The following SLIT1 variants were observed in gnomAD, a reference collection of about 807,000 sequenced individuals.
The protein encoded by SLIT1 is slit homolog 1 protein.
SLIT1 carries 66 observed loss-of-function variants against 186.1 expected under a neutral mutation model. The ratio of observed to expected loss-of-function variants is 0.35; its 90% CI spans 0.29 to 0.44. The LOEUF (loss-of-function observed/expected upper bound fraction) is 0.44, where lower values mean the gene tolerates loss of function less well. Ranked by LOEUF, SLIT1 falls within the 20% of genes least tolerant of loss-of-function variation. The pLI is 1.00. For missense variants in SLIT1, 1,638 were observed against 2,037.4 expected (o/e 0.80, Z 3.77); for synonymous variants, 761 against 833.8 (o/e 0.91, Z 1.50).
chr10:97,181,423 C>T (rs1850336997), intron 1 of SLIT1, among the ~76,000 whole-genome samples: 1 of 152,242 alleles, frequency 6.6e-6, no homozygotes, highest in Non-Finnish European at 1.5e-5. Flanking sequence ...TTATGCGTGA[C>T]CACTCAGCCC....
At chr10:97,017,269 G>A (rs1848462253) in intron 28 of SLIT1, among the ~76,000 whole-genome samples, 1 of 152,194 alleles carries the variant, frequency 6.6e-6, no homozygotes, top group South Asian at 2.1e-4. Flanking sequence ...CGTTTCCAAG[G>A]CAACCAGGGG....
At chr10:97,024,281 A>AT (rs1311712414) in intron 25 of SLIT1, among the ~76,000 whole-genome samples, 2 of 152,168 alleles carry the variant, frequency 1.3e-5, no homozygotes, top group Non-Finnish European at 2.9e-5. Flanking sequence ...TCACAATCTT[A>AT]TAAAGCAGGC....
At chr10:97,152,853 A>G (rs1849896564) in intron 4 of SLIT1, among the ~76,000 whole-genome samples, 1 of 152,204 alleles carries the variant, frequency 6.6e-6, no homozygotes, top group Non-Finnish European at 1.5e-5. Flanking sequence ...GGCTTTTGAT[A>G]TCAAACACAT....
intron 3 of SLIT1, among the ~76,000 whole-genome samples, chr10:97,162,562 G>A (rs556262143): frequency 7.2e-5 from 11 of 152,290 alleles, no homozygotes; most frequent in Middle Eastern, 3.4e-3. Flanking sequence ...GCAGTGAGCC[G>A]AGATCACGCC....
chr10:97,005,841 G>A (rs1193897765), intron 32 of SLIT1, among the ~76,000 whole-genome samples: 1 of 152,160 alleles, frequency 6.6e-6, no homozygotes, highest in Non-Finnish European at 1.5e-5. Context: ...AGGGAAGAAA[G>A]ATGTGGCATT....
chr10:97,170,107 A>C (rs1217517860), intron 1 of SLIT1, among the ~76,000 whole-genome samples: 1 of 152,208 alleles, frequency 6.6e-6, no homozygotes, highest in Non-Finnish European at 1.5e-5. Context: ...CTTTGCCTAC[A>C]CAACAATATC....
chr10:97,012,046 C>T (rs1001572284), intron 30 of SLIT1, among the ~76,000 whole-genome samples: 6 of 147,110 alleles, frequency 4.1e-5, no homozygotes, highest in African/African-American at 2.5e-5. Flanking sequence ...CAGTGTTTTT[C>T]GGGCTATAAG....
chr10:97,157,535 A>G (rs1849967492), intron 4 of SLIT1: 1 of 411,166 alleles, frequency 2.4e-6, no homozygotes. Flanking sequence ...GTCCACAAGC[A>G]TGCCTGCCTG....
Position 97,064,438 on chromosome 10 carries a change from C to T in SLIT1, c.558-199G>A, listed in dbSNP as rs555620121. 1.4e-3 allele frequency among the ~76,000 whole-genome samples: 219 copies of T among 152,218 alleles called. 1 individual carries two copies. Among genetic ancestry groups the T allele is most frequent in the Non-Finnish European group, 2.6e-3 (180 of 68,008 alleles). On this transcript the variant is annotated intron_variant, in intron 6 of 36. Coordinates refer to ENST00000266058, the MANE Select transcript of SLIT1 (RefSeq NM_003061.3). ...CTGAGCTGGGACGGTGACCGTAAGC[C>T]GACAGCACCATAGACTCCAAGGCTG...
At chr10:97,044,040 G>T (rs944194349) in intron 18 of SLIT1, among the ~76,000 whole-genome samples, 7 of 152,144 alleles carry the variant, frequency 4.6e-5, no homozygotes, top group Non-Finnish European at 1.0e-4. Context: ...CTGCTACACC[G>T]CTGTGACAGT....
chr10:97,021,388 A>G lies in SLIT1; in HGVS notation c.2608T>C (p.Cys870Arg). ...HLAIGANPLYCDCHLRWLSSW... is the reference protein window; with the variant it reads ...HLAIGANPLYRDCHLRWLSSW... Reference sequence around the variant, plus strand: ...GACAGCCAGCGGAGGTGGCAGTCACAGTATAGGGGGTTGGCACCAATGGCC... The same window carrying G: ...GACAGCCAGCGGAGGTGGCAGTCACGGTATAGGGGGTTGGCACCAATGGCC... Residue 870 changes from cysteine to arginine, a missense_variant, in exon 26 of 37, where the codon TGT becomes CGT. By Grantham distance (180) the Cys-to-Arg change is radical (BLOSUM62 -3). This residue lies in a region of SLIT1 where 1,245 missense variants were observed against 1,535.3 expected (regional missense o/e 0.81). Transcript: ENST00000266058. This position sits in a 1 kb window ranked among gnomAD's most constrained non-coding sequence, Gnocchi z 4.5. The G allele has an allele frequency of 6.2e-7, 1 of 1,614,088 alleles. No homozygotes were observed. Among genetic ancestry groups the G allele is most frequent in the Non-Finnish European group, 8.5e-7 (1 of 1,179,996 alleles).
rs1395886153 is a variant in SLIT1 at position 97,018,600 on chromosome 10, C to T, written c.2955G>A (p.Glu985=). The change falls in exon 28 of 37, where the codon GAG becomes GAA. Residue 985 remains glutamate (E), a synonymous_variant. Transcript: ENST00000266058. ...AGGTAACTCACGTGAACGGGGCATC[C>T]TCGCCCTCCTGTGCATGGCAGGTGC... is the stretch of plus-strand genomic sequence containing the variant. ...NGGTCHAQEG[E]DAPFTCSCPT... 2 of 1,585,272 alleles carry T rather than the reference C, an allele frequency of 1.3e-6. No homozygotes were observed. Among genetic ancestry groups the T allele is most frequent in the Admixed American group, 3.6e-5 (2 of 56,302 alleles).
chr10:97,029,497 G>C (rs992813727), intron 25 of SLIT1, among the ~76,000 whole-genome samples: 4 of 152,192 alleles, frequency 2.6e-5, no homozygotes, highest in African/African-American at 9.7e-5. Context: ...CTCCTATCCT[G>C]CCTCAGCCAG....
In SLIT1 at chr10:97,030,810, G is replaced by A. The variant is rs61731899; in HGVS notation, c.2529C>T (p.Asp843=). ...AGATGCCCTCTTGGAGGGTGGAGATGTCATTGCCGTGGAGAGACCTGAGAA... is the reference window on the plus strand; with the variant it reads ...AGATGCCCTCTTGGAGGGTGGAGATATCATTGCCGTGGAGAGACCTGAGAA... ...SLRLLSLHGN[D]ISTLQEGIFA... Residue 843 remains aspartate, a synonymous_variant, in exon 25 of 37, where the codon GAC becomes GAT. Transcript: ENST00000266058. 10,818 of 1,613,910 alleles carry A rather than the reference G, an allele frequency of 6.7e-3. 426 individuals carry two copies. In the African/African-American group the frequency reaches 0.11, roughly 16 times the overall value.
intron 4 of SLIT1, among the ~76,000 whole-genome samples, chr10:97,098,057 T>C (rs1020628428): frequency 6.6e-5 from 10 of 152,240 alleles, no homozygotes; most frequent in African/African-American, 2.2e-4. Flanking sequence ...CGCTGCCAGC[T>C]ACCAGGGTCT....
Position 97,157,834 on chromosome 10 carries a change from G to C in SLIT1, c.397C>G (p.Gln133Glu), listed in dbSNP as rs374500914. ...GTCACTCACAGTCTTGACAAAGCCT[G>C]GTTGTTCTGGAACAGCAGTTCCGGT... ...MLPELLFQNN[Q>E]ALSRLDLSEN... The change falls in exon 4 of 37, where the codon CAG (glutamine) becomes GAG (glutamate). Residue 133 changes from glutamine to glutamate, a missense_variant. Gln to Glu is a conservative substitution (Grantham distance 29, BLOSUM62 2). Coordinates refer to ENST00000266058, the MANE Select transcript of SLIT1 (RefSeq NM_003061.3). 3.1e-6 allele frequency: 5 copies of C among 1,613,608 alleles called. No individual in the cohort carries two copies. Among genetic ancestry groups the C allele is most frequent in the Middle Eastern group, 3.3e-4 (2 of 6,062 alleles).
At chr10:97,063,310 CAGG>C in intron 8 of SLIT1, 142 bp downstream of exon 8, 1 of 814,426 alleles carries the variant, frequency 1.2e-6, no homozygotes, top group Non-Finnish European at 2.0e-6. Context: ...TGGGCAGGGT[CAGG>C]AGGTGATGGG....
chr10:97,141,785 T>C (rs940515466), intron 4 of SLIT1, among the ~76,000 whole-genome samples: 2 of 151,790 alleles, frequency 1.3e-5, no homozygotes, highest in African/African-American at 2.4e-5. Context: ...CTGTATTGTA[T>C]TGTACTGTAT....
chr10:97,006,766 G>T lies in SLIT1; in HGVS notation c.3342-46C>A. ...TCAGAGAGGGCCAAGGAGGAAGGGA[G>T]TATCTTCCTCTCCCACAGCCCTGGA... On this transcript the variant is annotated intron_variant, in intron 31 of 36. Coordinates refer to ENST00000266058, the MANE Select transcript of SLIT1 (RefSeq NM_003061.3). This position sits in a 1 kb window ranked among gnomAD's most constrained non-coding sequence, Gnocchi z 4.0. 1.6e-6 allele frequency: 2 copies of T among 1,284,132 alleles called. No homozygotes were observed. The highest frequency in any genetic ancestry group is 2.3e-6 in the Non-Finnish European group (2 of 884,366). 79.5% of individuals were successfully genotyped at this position (1,284,132 alleles called of 1,614,324 possible). A position where few individuals can be genotyped will look rare whatever the true frequency, so the allele number is the denominator to read the frequency against.
Sources: gnomAD v4.1 joint callset for allele counts (sites outside exome capture counted in the v4.1 genomes callset) on GRCh38, gnomAD v4.1.1 for gene constraint, gnomAD v4.1.1 regional missense constraint, Gnocchi (gnomAD v3.1) non-coding constraint, MANE v1.5 for transcripts, NCBI Gene and HGNC (gene_info 2026-07-23, HGNC 2026-07-21) for gene names.